Variants in NCAM2 observed in about 807,000 individuals in gnomAD.
NCAM2 encodes N-CAM-2.
NCAM2 carries 30 observed loss-of-function variants against 98.1 expected under a neutral mutation model. The ratio of observed to expected loss-of-function variants is 0.31; its 90% CI spans 0.23 to 0.41. NCAM2 has a LOEUF of 0.41. NCAM2 is among the 10% of genes least tolerant of loss of function. The pLI, the probability that NCAM2 is intolerant of heterozygous loss-of-function variation, is 1.00. For synonymous variants in NCAM2, 368 were observed against 342.4 expected, an observed-to-expected ratio of 1.07 and a Z score of -0.83; for missense variants, 867 against 1,005.8, an observed-to-expected ratio of 0.86 and a Z score of 1.87.
At chr21:21,449,403 CT>C (rs1980679892) in intron 12 of NCAM2, among the ~76,000 whole-genome samples, 1 of 151,660 alleles carries the variant, frequency 6.6e-6, no homozygotes. Flanking sequence ...CATCTGACTG[CT>C]CAAACATACA....
chr21:21,483,764 T>A (rs1226559636), intron 15 of NCAM2, among the ~76,000 whole-genome samples: 1 of 152,090 alleles, frequency 6.6e-6, no homozygotes, highest in Non-Finnish European at 1.5e-5. Flanking sequence ...AGTGAAAAAG[T>A]AAGTCTAAAA....
chr21:21,365,247 G>A (rs866170873), intron 8 of NCAM2, among the ~76,000 whole-genome samples: 5 of 44,658 alleles, frequency 1.1e-4, no homozygotes, highest in African/African-American at 1.7e-4. Context: ...GCGTGTGTGT[G>A]TGTGTGTGTG....
At chr21:21,238,086 G>T (rs1455629937) in intron 1 of NCAM2, among the ~76,000 whole-genome samples, 1 of 150,156 alleles carries the variant, frequency 6.7e-6, no homozygotes, top group African/African-American at 2.5e-5. Context: ...CTCCCAAGTA[G>T]CTGGGACTAC....
intron 1 of NCAM2, among the ~76,000 whole-genome samples, chr21:21,240,316 T>C (rs1306081281): frequency 6.6e-6 from 1 of 151,878 alleles, no homozygotes; most frequent in African/African-American, 2.4e-5. Context: ...TTTATAGAGT[T>C]TTAACTACTG....
Position 21,392,660 on chromosome 21 carries a change from G to A in NCAM2, c.1196-17614G>A, listed in dbSNP as rs1453937011. 1.2e-4 allele frequency among the ~76,000 whole-genome samples: 19 copies of A among 152,244 alleles called. No homozygotes were observed. The South Asian group carries it at 3.5e-3, about 28-fold the overall frequency. ...AGTCATTCTCACTGATGTGAGATGG[G>A]TATCTCATTGTGGTTTCGATTTGCA... is the stretch of plus-strand genomic sequence containing the variant. On this transcript the variant is annotated intron_variant, in intron 9 of 17. Transcript: ENST00000400546.
At chr21:21,531,719 ACAATAT>A (rs1483139319) in intron 16 of NCAM2, among the ~76,000 whole-genome samples, 2 of 151,910 alleles carry the variant, frequency 1.3e-5, no homozygotes, top group Non-Finnish European at 2.9e-5. Context: ...AATTCTACAG[ACAATAT>A]CAATAATGAT....
chr21:20,999,592 A>G (rs529010222), intron 1 of NCAM2, among the ~76,000 whole-genome samples: 2 of 152,340 alleles, frequency 1.3e-5, no homozygotes, highest in South Asian at 2.1e-4. Flanking sequence ...GGAAAAATAA[A>G]ATAGCACTAA....
At chr21:21,394,493 T>C (rs1288512960) in intron 9 of NCAM2, among the ~76,000 whole-genome samples, 1 of 89,460 alleles carries the variant, frequency 1.1e-5, no homozygotes, top group East Asian at 3.5e-4. Flanking sequence ...TTTTTTTTTT[T>C]TTTTTTTTTT....
chr21:21,069,922 T>C (rs2065523891), intron 1 of NCAM2, among the ~76,000 whole-genome samples: 4 of 152,206 alleles, frequency 2.6e-5, no homozygotes, highest in Admixed American at 2.6e-4. Context: ...CCTGTACTTT[T>C]CTTATCTTTC....
rs564304926 is a variant in NCAM2 at position 21,210,210 on chromosome 21, A to G, written c.56-70368A>G. On this transcript the variant is annotated intron_variant, in intron 1 of 17. Coordinates refer to ENST00000400546, the MANE Select transcript of NCAM2 (RefSeq NM_004540.5). Reference sequence around the variant, plus strand: ...ATTAGAAAAATGGGTTAATTTGGCAAGACTGTATCCATTGCTAAATATTGC... The same window carrying G: ...ATTAGAAAAATGGGTTAATTTGGCAGGACTGTATCCATTGCTAAATATTGC... Among the ~76,000 whole-genome samples, 20 of 152,342 alleles carry G rather than the reference A, an allele frequency of 1.3e-4. No homozygotes were observed. In the East Asian group the frequency reaches 3.1e-3, roughly 24 times the overall value.
chr21:21,179,874 C>G (rs1031422641), intron 1 of NCAM2, among the ~76,000 whole-genome samples: 2 of 152,144 alleles, frequency 1.3e-5, no homozygotes, highest in African/African-American at 2.4e-5. Context: ...TGATGTGTAA[C>G]AAAACAAAAC....
chr21:21,079,136 C>T (rs2065741007), intron 1 of NCAM2, among the ~76,000 whole-genome samples: 1 of 152,126 alleles, frequency 6.6e-6, no homozygotes, highest in Admixed American at 6.6e-5. Context: ...AACACCATGG[C>T]ACAGGTATAT....
intron 1 of NCAM2, among the ~76,000 whole-genome samples, chr21:21,136,819 G>T (rs1006429160): frequency 1.3e-5 from 2 of 151,696 alleles, no homozygotes; most frequent in Admixed American, 6.6e-5. Context: ...AATCCTTCCG[G>T]TTGCAGACAC....
At chr21:21,339,501 A>G (rs2074966474) in intron 8 of NCAM2, among the ~76,000 whole-genome samples, 1 of 152,026 alleles carries the variant, frequency 6.6e-6, no homozygotes, top group Admixed American at 6.6e-5. Flanking sequence ...AGAACTGGCA[A>G]TTTCACATAA....
In NCAM2 at chr21:21,533,166, C is replaced by CTTTTTTTTTTTTTTTT. The variant is rs201532023; in HGVS notation, c.2283-1358_2283-1357insTTTTTTTTTTTTTTTT. 2.9e-3 allele frequency among the ~76,000 whole-genome samples: 274 copies of CTTTTTTTTTTTTTTTT among 93,680 alleles called. 10 individuals carry two copies. The highest frequency in any genetic ancestry group is 3.6e-3 in the African/African-American group (87 of 24,008). 61.5% of individuals were successfully genotyped at this position (93,680 alleles called of 152,430 possible). On this transcript the variant is annotated intron_variant, in intron 16 of 17. Transcript: ENST00000400546. ...CCATTGTAGATTTGTTGTTTGCTTG[C>CTTTTTTTTTTTTTTTT]TTTTTTTTTTTTTGGTAATCCTAGT...
At chr21:21,141,892 C>CA (rs2067175071) in intron 1 of NCAM2, among the ~76,000 whole-genome samples, 1 of 152,088 alleles carries the variant, frequency 6.6e-6, no homozygotes, top group Admixed American at 6.6e-5. Context: ...AAGGTATGCT[C>CA]ATTAGTACTG....
chr21:21,364,812 A>C (rs537732721), intron 8 of NCAM2, among the ~76,000 whole-genome samples: 1 of 152,148 alleles, frequency 6.6e-6, no homozygotes, highest in African/African-American at 2.4e-5. Flanking sequence ...TGTCACTGAC[A>C]TTAACTATGG....
At chr21:21,387,073 T>A (rs531606127) in intron 9 of NCAM2, among the ~76,000 whole-genome samples, 1 of 152,172 alleles carries the variant, frequency 6.6e-6, no homozygotes, top group Admixed American at 6.5e-5. Flanking sequence ...TTTATTTCTC[T>A]AAATCTAGGG....
chr21:21,067,614 T>C (rs1248576283), intron 1 of NCAM2, among the ~76,000 whole-genome samples: 2 of 152,170 alleles, frequency 1.3e-5, no homozygotes, highest in East Asian at 3.8e-4. Context: ...CACAGACCCC[T>C]CTTTAAACAC....
Sources: allele counts gnomAD v4.1 joint callset (sites outside exome capture counted in the v4.1 genomes callset), GRCh38; gene constraint gnomAD v4.1.1; transcripts MANE v1.5; gene names NCBI Gene and HGNC (gene_info 2026-07-23, HGNC 2026-07-21).